LRRC4C: variants seen among roughly 807,000 people sequenced by gnomAD.
LRRC4C encodes leucine rich repeat containing 4C, also known as leucine-rich repeat-containing protein 4C.
LRRC4C carries 5 observed loss-of-function variants against 33.6 expected under a neutral mutation model. The ratio of observed to expected loss-of-function variants is 0.15; its 90% CI spans 0.08 to 0.31. The LOEUF is 0.31. Ranked by LOEUF, LRRC4C falls within the 10% of genes least tolerant of loss-of-function variation. The probability of loss-of-function intolerance (pLI) is 1.00; values close to 1 mark genes in which losing one functional copy is unlikely to be tolerated. For synonymous variants in LRRC4C, 329 were observed against 302.0 expected, an observed-to-expected ratio of 1.09 and a Z score of -0.93; for missense variants, 560 against 796.7, an observed-to-expected ratio of 0.70 and a Z score of 3.58.
chr11:40,347,434 T>C (rs563895883), intron 3 of LRRC4C, among the ~76,000 whole-genome samples: 1 of 152,308 alleles, frequency 6.6e-6, no homozygotes, highest in East Asian at 1.9e-4. Flanking sequence ...TTTGCTTTCC[T>C]ATCATTCATG....
intron 2 of LRRC4C, among the ~76,000 whole-genome samples, chr11:40,688,987 G>C (rs1945097621): frequency 6.6e-6 from 1 of 151,980 alleles, no homozygotes; most frequent in Non-Finnish European, 1.5e-5. Context: ...TTCACCTAAG[G>C]CTATTCCAGT....
At chr11:41,381,547 A>G (rs1193494590) in intron 1 of LRRC4C, among the ~76,000 whole-genome samples, 2 of 151,966 alleles carry the variant, frequency 1.3e-5, no homozygotes, top group African/African-American at 4.8e-5. Flanking sequence ...GAATCATTTG[A>G]ACTGAGAAGG....
rs372201664 is a variant in LRRC4C at position 40,143,815 on chromosome 11, AATATGAGTTCCCAGG to A, written c.-95-2977_-95-2963del. Among the ~76,000 whole-genome samples the A allele has an allele frequency of 2.3e-4, 35 of 152,310 alleles. 2 individuals are homozygous for A. Among genetic ancestry groups the A allele is most frequent in the African/African-American group, 8.2e-4 (34 of 41,572 alleles). ...TTTGTTTTCTGTCTCCTCCAACTAG[AATATGAGTTCCCAGG>A]ATATGGAGTTTATATGATTTGTTTA... On this transcript the variant is annotated intron_variant, in intron 5 of 6. Coordinates refer to ENST00000528697, the MANE Select transcript of LRRC4C (RefSeq NM_001258419.2).
intron 2 of LRRC4C, among the ~76,000 whole-genome samples, chr11:40,783,979 T>TA (rs1026234565): frequency 7.2e-5 from 11 of 152,106 alleles, no homozygotes; most frequent in Non-Finnish European, 1.3e-4. Flanking sequence ...TACCGCTATT[T>TA]AAAAAAATAT....
intron 3 of LRRC4C, among the ~76,000 whole-genome samples, chr11:40,348,954 A>G (rs1033138587): frequency 6.6e-6 from 1 of 152,206 alleles, no homozygotes; most frequent in Non-Finnish European, 1.5e-5. Context: ...TTATGTGTAC[A>G]TAGTAGGTGT....
intron 1 of LRRC4C, among the ~76,000 whole-genome samples, chr11:40,963,643 C>T (rs534376748): frequency 6.6e-6 from 1 of 151,796 alleles, no homozygotes; most frequent in South Asian, 2.1e-4. Flanking sequence ...AGTAATTCCT[C>T]CTTTAGCATT....
At chr11:40,460,127 T>C (rs1287329835) in intron 3 of LRRC4C, among the ~76,000 whole-genome samples, 5 of 152,038 alleles carry the variant, frequency 3.3e-5, no homozygotes, top group African/African-American at 4.8e-5. Flanking sequence ...AATCCTACTT[T>C]CCTTCTCAAG....
chr11:40,888,085 T>C (rs1955543871), intron 2 of LRRC4C, among the ~76,000 whole-genome samples: 1 of 151,958 alleles, frequency 6.6e-6, no homozygotes, highest in Non-Finnish European at 1.5e-5. Flanking sequence ...TCAACATATG[T>C]CTCATTTCAT....
intron 2 of LRRC4C, among the ~76,000 whole-genome samples, chr11:40,832,327 T>C (rs905127914): frequency 6.6e-6 from 1 of 152,312 alleles, no homozygotes; most frequent in Admixed American, 6.5e-5. Context: ...TGCATGCCTG[T>C]ATAAAAAATA....
intron 1 of LRRC4C, among the ~76,000 whole-genome samples, chr11:41,123,707 C>T (rs1465611318): frequency 1.3e-5 from 2 of 152,088 alleles, no homozygotes; most frequent in Non-Finnish European, 2.9e-5. Flanking sequence ...ATTTCTAAGC[C>T]TTTCACAAAT....
chr11:40,166,503 T>A (rs1859607484), intron 5 of LRRC4C, among the ~76,000 whole-genome samples: 1 of 152,140 alleles, frequency 6.6e-6, no homozygotes, highest in Non-Finnish European at 1.5e-5. Context: ...TTTCCTACTG[T>A]GTGTGCTGGT....
At chr11:40,312,389 T>C (rs1945358565) in intron 4 of LRRC4C, among the ~76,000 whole-genome samples, 2 of 152,212 alleles carry the variant, frequency 1.3e-5, no homozygotes, top group Admixed American at 1.3e-4. Context: ...TCCTCCTTCT[T>C]TGAAGTAAAG....
At chr11:40,435,309 A>T (rs534188636) in intron 3 of LRRC4C, among the ~76,000 whole-genome samples, 6 of 152,312 alleles carry the variant, frequency 3.9e-5, no homozygotes, top group Non-Finnish European at 1.5e-5. Flanking sequence ...TTAAACTGTT[A>T]TAGCGCCAAA....
At chr11:40,781,728 A>C (rs927496108) in intron 2 of LRRC4C, among the ~76,000 whole-genome samples, 1 of 152,138 alleles carries the variant, frequency 6.6e-6, no homozygotes, top group Non-Finnish European at 1.5e-5. Flanking sequence ...CCTGTATTCA[A>C]CTGGACTCTA....
chr11:40,876,341 AAG>A (rs1160040132), intron 2 of LRRC4C, among the ~76,000 whole-genome samples: 2 of 145,422 alleles, frequency 1.4e-5, no homozygotes, highest in Non-Finnish European at 3.0e-5. Context: ...TGCACCAGCT[AAG>A]AGAAAGAAGA....
intron 3 of LRRC4C, among the ~76,000 whole-genome samples, chr11:40,501,963 C>T (rs1382441648): frequency 6.6e-6 from 1 of 152,152 alleles, no homozygotes; most frequent in African/African-American, 2.4e-5. Flanking sequence ...CCCAAGTCAC[C>T]TCTTGAATGC....
At chr11:40,712,022 T>C (rs1167979861) in intron 2 of LRRC4C, among the ~76,000 whole-genome samples, 2 of 152,116 alleles carry the variant, frequency 1.3e-5, no homozygotes, top group Non-Finnish European at 2.9e-5. Context: ...AGTGTGGTAA[T>C]TGTACAAAAT....
At chr11:40,558,427 G>A (rs1388886055) in intron 3 of LRRC4C, among the ~76,000 whole-genome samples, 2 of 151,970 alleles carry the variant, frequency 1.3e-5, no homozygotes, top group Non-Finnish European at 2.9e-5. Flanking sequence ...ATCCACACAC[G>A]GTTCTGAAAA....
chr11:40,659,522 C>T (rs1297247478), intron 2 of LRRC4C, among the ~76,000 whole-genome samples: 2 of 152,150 alleles, frequency 1.3e-5, no homozygotes, highest in African/African-American at 4.8e-5. Context: ...ATGGACCAAT[C>T]AGCATGCACT....
Sources: allele counts gnomAD v4.1 joint callset (sites outside exome capture counted in the v4.1 genomes callset), GRCh38; gene constraint gnomAD v4.1.1; transcripts MANE v1.5; gene names NCBI Gene and HGNC (gene_info 2026-07-23, HGNC 2026-07-21).